DYNC1LI1: variants seen among roughly 807,000 people sequenced by gnomAD.
The protein encoded by DYNC1LI1 is dynein cytoplasmic 1 light intermediate chain 1, also known as cytoplasmic dynein 1 light intermediate chain 1.
DYNC1LI1 carries 19 observed loss-of-function variants against 63.8 expected under a neutral mutation model. The ratio of observed to expected loss-of-function variants is 0.30; its 90% CI spans 0.21 to 0.44. DYNC1LI1 has a LOEUF of 0.44. Among genes scored for constraint, DYNC1LI1 ranks in the 20% least tolerant of loss-of-function variants. The pLI, the probability that DYNC1LI1 is intolerant of heterozygous loss-of-function variation, is 1.00. For synonymous variants in DYNC1LI1, 225 were observed against 232.3 expected, an observed-to-expected ratio of 0.97 and a Z score of 0.28; for missense variants, 565 against 630.2, an observed-to-expected ratio of 0.90 and a Z score of 1.11.
At chr3:32,529,163 C>T (rs191207661) in intron 11 of DYNC1LI1, among the ~76,000 whole-genome samples, 5 of 152,246 alleles carry the variant, frequency 3.3e-5, no homozygotes, top group Admixed American at 3.3e-4. Context: ...TATCCAAAGG[C>T]ATAAAAACAT....
intron 2 of DYNC1LI1, among the ~76,000 whole-genome samples, chr3:32,561,610 C>T (rs1171376880): frequency 6.6e-6 from 1 of 150,834 alleles, no homozygotes; most frequent in Non-Finnish European, 1.5e-5. Context: ...GCCTGGGTGA[C>T]AGAGCGAGAC....
chr3:32,565,750 C>G (rs1222550270), intron 2 of DYNC1LI1, among the ~76,000 whole-genome samples: 11 of 152,078 alleles, frequency 7.2e-5, no homozygotes, highest in Admixed American at 6.6e-4. Flanking sequence ...GCTGGGACTA[C>G]AGGAGCCACC....
At chr3:32,544,546 G>A (rs957127802) in intron 4 of DYNC1LI1, among the ~76,000 whole-genome samples, 2 of 152,120 alleles carry the variant, frequency 1.3e-5, no homozygotes, top group African/African-American at 4.8e-5. Flanking sequence ...GAGTGGGGTG[G>A]ATCATGAGGT....
chr3:32,537,927 A>ATATATATATAAAT (rs1697802390), intron 5 of DYNC1LI1, among the ~76,000 whole-genome samples: 1 of 33,262 alleles, frequency 3.0e-5, no homozygotes, highest in Non-Finnish European at 4.8e-5. Context: ...TATATATATA[A>ATATATATATAAAT]TATATATATA....
chr3:32,563,937 C>T (rs1014992035), intron 2 of DYNC1LI1, among the ~76,000 whole-genome samples: 1 of 152,264 alleles, frequency 6.6e-6, no homozygotes, highest in African/African-American at 2.4e-5. Flanking sequence ...ATGTGCCACA[C>T]ACCATATCCC....
At chr3:32,569,382 C>A (rs2125448150) in intron 2 of DYNC1LI1, among the ~76,000 whole-genome samples, 1 of 152,280 alleles carries the variant, frequency 6.6e-6, no homozygotes, top group East Asian at 1.9e-4. Context: ...TGTAAACATT[C>A]ATATTTAACC....
rs760002247 is a variant in DYNC1LI1 at position 32,529,633 on chromosome 3, A to C, written c.1213T>G (p.Ser405Ala). 8.7e-6 allele frequency: 14 copies of C among 1,609,132 alleles called. No homozygotes were observed. The highest frequency in any genetic ancestry group is 1.2e-5 in the Non-Finnish European group (14 of 1,177,964). Residue 405 changes from serine to alanine, a missense_variant, in exon 11 of 13, where the codon TCC becomes GCC. Physicochemically the swap from Ser to Ala is moderately conservative, Grantham distance 99 (BLOSUM62 1). Transcript: ENST00000273130. ...VDASPRVPGG[S>A]PRTPNRSVSS... ...ACAGATCTATTTGGTGTTCGTGGGG[A>C]GCCTCCTGGGACTCTTGGTGAGGCA...
chr3:32,548,818 C>CAT (rs1157534318), intron 2 of DYNC1LI1, among the ~76,000 whole-genome samples: 8 of 152,024 alleles, frequency 5.3e-5, no homozygotes, highest in African/African-American at 1.2e-4. Context: ...TTCCATAATG[C>CAT]ATATATATAC....
chr3:32,535,762 A>G (rs776702000), intron 6 of DYNC1LI1, among the ~76,000 whole-genome samples: 9 of 152,210 alleles, frequency 5.9e-5, no homozygotes, highest in Non-Finnish European at 1.2e-4. Context: ...TGATAAATAC[A>G]TACCTCATTA....
intron 2 of DYNC1LI1, among the ~76,000 whole-genome samples, chr3:32,560,924 C>T (rs1698180932): frequency 7.8e-6 from 1 of 127,792 alleles, no homozygotes; most frequent in Admixed American, 9.8e-5. Flanking sequence ...ATCGCTTGAA[C>T]AAGGGAGGTG....
chr3:32,545,649 C>G (rs543522919), intron 3 of DYNC1LI1, 200 bp downstream of exon 3: 2 of 568,538 alleles, frequency 3.5e-6, no homozygotes, highest in Non-Finnish European at 6.2e-6. Context: ...ACCAGGATAC[C>G]TTAAGATGCT....
chr3:32,553,528 A>G (rs1698072224), intron 2 of DYNC1LI1, among the ~76,000 whole-genome samples: 1 of 152,202 alleles, frequency 6.6e-6, no homozygotes, highest in Admixed American at 6.5e-5. Flanking sequence ...AAAAACTAGG[A>G]CACAAAAAGG....
Position 32,541,168 on chromosome 3 carries a change from C to T in DYNC1LI1, c.607G>A (p.Asp203Asn). 6.2e-7 allele frequency: 1 copy of T among 1,612,268 alleles called. No individual in the cohort carries two copies. The highest frequency in any genetic ancestry group is 8.5e-7 in the Non-Finnish European group (1 of 1,178,922). ...DFQEYVEPGE[D>N]FPASPQRRNT... ...CTTCTCTGGGGAGAAGCCGGGAAGT[C>T]TTCTCCTGGCTCTACATATTCTTGG... Residue 203 changes from aspartate (D) to asparagine (N), a missense_variant, in exon 5 of 13, where the codon GAC (aspartate) becomes AAC (asparagine). Physicochemically the swap from Asp to Asn is conservative, Grantham distance 23. Coordinates refer to ENST00000273130, the MANE Select transcript of DYNC1LI1 (RefSeq NM_016141.4).
intron 6 of DYNC1LI1, among the ~76,000 whole-genome samples, chr3:32,535,357 A>C (rs1697760187): frequency 6.6e-6 from 1 of 152,212 alleles, no homozygotes; most frequent in Non-Finnish European, 1.5e-5. Context: ...ATGGATTCAG[A>C]GTGGCTATCA....
chr3:32,537,728 G>A (rs933684595), intron 5 of DYNC1LI1, among the ~76,000 whole-genome samples: 97 of 149,110 alleles, frequency 6.5e-4, no homozygotes, highest in African/African-American at 2.3e-3. Context: ...TACAAAAAAG[G>A]CATGTTCAAA....
intron 5 of DYNC1LI1, among the ~76,000 whole-genome samples, chr3:32,537,950 T>TATATATATAAA (rs1697805643): frequency 3.4e-4 from 2 of 5,836 alleles, no homozygotes; most frequent in African/African-American, 1.7e-3. Flanking sequence ...ATATATATAA[T>TATATATATAAA]TTATATATAT....
rs888284044 is a variant in DYNC1LI1 at position 32,526,567 on chromosome 3, C to CT, written c.*231dup. On this transcript the variant is annotated 3_prime_UTR_variant, in exon 13 of 13. Coordinates refer to ENST00000273130, the MANE Select transcript of DYNC1LI1 (RefSeq NM_016141.4). Reference sequence around the variant, plus strand: ...GATTTTCAAAATCAAAAATTACTTTCTTATGCAAAATGGCAATGCAAACAG... The same window carrying CT: ...GATTTTCAAAATCAAAAATTACTTTCTTTATGCAAAATGGCAATGCAAACAG... 3.1e-6 allele frequency: 1 copy of CT among 324,184 alleles called. No individual in the cohort carries two copies. Among genetic ancestry groups the CT allele is most frequent in the African/African-American group, 2.1e-5 (1 of 47,370 alleles). 20.1% of individuals were successfully genotyped at this position (324,184 alleles called of 1,614,324 possible).
intron 4 of DYNC1LI1, among the ~76,000 whole-genome samples, chr3:32,543,177 A>C (rs781742726): frequency 9.9e-5 from 15 of 152,120 alleles, no homozygotes; most frequent in Admixed American, 2.6e-4. Flanking sequence ...TCTAGGATAA[A>C]TCTAGACTTA....
chr3:32,534,712 T>C (rs1697751819), intron 6 of DYNC1LI1, 66 bp from the exon 7 acceptor site: 3 of 1,300,412 alleles, frequency 2.3e-6, no homozygotes, highest in Middle Eastern at 3.9e-4. Flanking sequence ...AAATTCTGTG[T>C]TTTCAGCTTA....
Sources: gnomAD v4.1 joint callset for allele counts (sites outside exome capture counted in the v4.1 genomes callset) on GRCh38, gnomAD v4.1.1 for gene constraint, MANE v1.5 for transcripts, NCBI Gene and HGNC (gene_info 2026-07-23, HGNC 2026-07-21) for gene names.